The following CLTCL1 variants were observed in gnomAD, a reference collection of about 807,000 sequenced individuals.
CLTCL1 encodes the protein clathrin heavy chain like 1.
CLTCL1 carries 159 observed loss-of-function variants against 190.0 expected under a neutral mutation model. The observed-to-expected ratio is 0.84, with a 90% CI of 0.74 to 0.95. CLTCL1 has a LOEUF of 0.95. Ranked by LOEUF, CLTCL1 falls within the 40% of genes least tolerant of loss-of-function variation. The pLI is 0.00. For synonymous variants in CLTCL1, 752 were observed against 769.6 expected (o/e 0.98, Z 0.38); for missense variants, 1,878 against 2,033.4 (o/e 0.92, Z 1.47).
intron 19 of CLTCL1, among the ~76,000 whole-genome samples, chr22:19,215,588 A>C (rs2085358571): frequency 6.6e-6 from 1 of 151,868 alleles, no homozygotes; most frequent in African/African-American, 2.4e-5. Flanking sequence ...GTGCACTCTC[A>C]CCTCTATAGT....
At chr22:19,281,781 T>C (rs1170518340) in intron 1 of CLTCL1, among the ~76,000 whole-genome samples, 1 of 152,166 alleles carries the variant, frequency 6.6e-6, no homozygotes, top group African/African-American at 2.4e-5. Context: ...TACCAAGAAT[T>C]GGTAATCCTG....
At chr22:19,216,789 C>T (rs2085399064) in intron 18 of CLTCL1, among the ~76,000 whole-genome samples, 1 of 152,246 alleles carries the variant, frequency 6.6e-6, no homozygotes, top group Non-Finnish European at 1.5e-5. Flanking sequence ...CATACAAAAA[C>T]ACTTACAAAT....
At chr22:19,284,473 C>T (rs1246001527) in intron 1 of CLTCL1, among the ~76,000 whole-genome samples, 4 of 151,702 alleles carry the variant, frequency 2.6e-5, no homozygotes, top group Non-Finnish European at 5.9e-5. Context: ...CCAGCCTGGC[C>T]AACATAATGA....
chr22:19,237,028 T>C (rs1315830157), intron 5 of CLTCL1, among the ~76,000 whole-genome samples: 1 of 152,176 alleles, frequency 6.6e-6, no homozygotes, highest in East Asian at 1.9e-4. Flanking sequence ...CATCTTCAGG[T>C]GCAGAATTAG....
chr22:19,276,347 C>T (rs1399545220), intron 1 of CLTCL1, among the ~76,000 whole-genome samples: 1 of 152,220 alleles, frequency 6.6e-6, no homozygotes, highest in Non-Finnish European at 1.5e-5. Flanking sequence ...CTACATCTGA[C>T]TTGAATGAAT....
chr22:19,207,589 C>T, intron 22 of CLTCL1: 1 of 405,854 alleles, frequency 2.5e-6, no homozygotes, highest in Non-Finnish European at 4.3e-6. Context: ...ACCCCCATGC[C>T]ACGGACCGCT....
At chr22:19,196,700 C>T (rs1228756710) in intron 24 of CLTCL1, 44 bp from the exon 25 acceptor site, 12 of 1,577,954 alleles carry the variant, frequency 7.6e-6, no homozygotes, top group Non-Finnish European at 1.0e-5. Flanking sequence ...GATTGCATGC[C>T]TCCTGCAGCC....
In CLTCL1 at chr22:19,274,674, A is replaced by C. The variant is rs5748092; in HGVS notation, c.250+949T>G. On this transcript the variant is annotated intron_variant, in intron 2 of 32. Coordinates refer to ENST00000427926, the MANE Select transcript of CLTCL1 (RefSeq NM_007098.4). ...ATAAAATAGAAGCCTAGGCAAAGCT[A>C]ATATTTGGCATTCACAAATTTTACC... 7.1e-3 allele frequency among the ~76,000 whole-genome samples: 1,076 copies of C among 152,182 alleles called. 17 individuals carry two copies. The highest frequency in any genetic ancestry group is 0.051 in the South Asian group (244 of 4,826).
chr22:19,232,160 G>T (rs1555959334), intron 10 of CLTCL1, among the ~76,000 whole-genome samples: 1 of 152,130 alleles, frequency 6.6e-6, no homozygotes, highest in East Asian at 1.9e-4. Context: ...GAGAGACAAT[G>T]ATGTAGTAAC....
At chr22:19,283,790 G>T (rs188623650) in intron 1 of CLTCL1, among the ~76,000 whole-genome samples, 2 of 151,824 alleles carry the variant, frequency 1.3e-5, no homozygotes, top group African/African-American at 4.8e-5. Flanking sequence ...TCAGGAATTC[G>T]AGACCAGCCT....
intron 17 of CLTCL1, among the ~76,000 whole-genome samples, chr22:19,220,763 T>G (rs1158967414): frequency 1.3e-5 from 2 of 152,204 alleles, no homozygotes; most frequent in East Asian, 3.9e-4. Context: ...GGTGCCCTAT[T>G]CATGTCTGGA....
At chr22:19,186,967 C>G (rs1287314120) in intron 29 of CLTCL1, among the ~76,000 whole-genome samples, 1 of 146,230 alleles carries the variant, frequency 6.8e-6, no homozygotes, top group African/African-American at 2.6e-5. Context: ...GAGACAGGGT[C>G]TCACTCTGTT....
intron 1 of CLTCL1, among the ~76,000 whole-genome samples, chr22:19,276,522 C>T (rs1555983437): frequency 6.6e-6 from 1 of 152,104 alleles, no homozygotes; most frequent in African/African-American, 2.4e-5. Flanking sequence ...TAAATCAAGA[C>T]CTGCTAATGG....
intron 3 of CLTCL1, among the ~76,000 whole-genome samples, chr22:19,250,854 A>G (rs1342240221): frequency 1.3e-5 from 2 of 152,124 alleles, no homozygotes; most frequent in Non-Finnish European, 1.5e-5. Context: ...GAGCCCAGCT[A>G]GTACCACATT....
At chr22:19,184,859 C>T (rs1469708253) in intron 29 of CLTCL1, 5 of 304,966 alleles carry the variant, frequency 1.6e-5, no homozygotes, top group Non-Finnish European at 3.2e-5. Context: ...TCTCTCATCA[C>T]CTCCCCGGCC....
intron 4 of CLTCL1, among the ~76,000 whole-genome samples, chr22:19,239,685 G>A (rs1364535615): frequency 6.6e-6 from 1 of 152,202 alleles, no homozygotes; most frequent in Non-Finnish European, 1.5e-5. Context: ...GAAACAAAGG[G>A]CTCCAGTCAG....
rs2084715033 is a variant in CLTCL1, at chr22:19,196,606, G to C, written c.3924C>G (p.Gly1308=). The part of the protein sequence containing the change: ...ELILLLEAAL[G]LERAHMGMFT... The stretch of plus-strand genomic sequence containing the variant: ...ACATGCCCATGTGGGCCCGCTCCAG[G>C]CCCAGGGCCGCTTCCAACAGCAAGA... Residue 1308 remains glycine (G), a synonymous_variant, in exon 25 of 33, where the codon GGC becomes GGG. Transcript: ENST00000427926. The C allele has an allele frequency of 6.2e-7, 1 of 1,613,714 alleles. No individual in the cohort carries two copies.
At chr22:19,263,186 T>G (rs1410636964) in intron 2 of CLTCL1, among the ~76,000 whole-genome samples, 1 of 151,734 alleles carries the variant, frequency 6.6e-6, no homozygotes, top group African/African-American at 2.4e-5. Flanking sequence ...ATCAGACTCC[T>G]GGGCTCAAGA....
Position 19,232,530 on chromosome 22 carries a change from C to T in CLTCL1, c.1590G>A (p.Leu530=), listed in dbSNP as rs782621417. ...CCTGCACTAGCATTCGAGAAAACTG[C>T]AGGCCCTGTTCCGGACTGATCTTCA... ...GVMKISPEQG[L]QFSRMLVQDE... The change falls in exon 10 of 33, where the codon CTG becomes CTA. Residue 530 remains leucine (L), a synonymous_variant. Coordinates refer to ENST00000427926, the MANE Select transcript of CLTCL1 (RefSeq NM_007098.4). 1.1e-5 allele frequency: 17 copies of T among 1,613,880 alleles called. No homozygotes were observed. In the Admixed American group the frequency reaches 2.3e-4, roughly 22 times the overall value.
Sources: allele counts gnomAD v4.1 joint callset (sites outside exome capture counted in the v4.1 genomes callset), GRCh38; gene constraint gnomAD v4.1.1; transcripts MANE v1.5; gene names NCBI Gene and HGNC (gene_info 2026-07-23, HGNC 2026-07-21).